The following HOXC5 variants were observed in gnomAD, a reference collection of about 807,000 sequenced individuals.
HOXC5 encodes homeobox C5.
HOXC5 carries 19 observed loss-of-function variants against 20.1 expected under a neutral mutation model. The ratio of observed to expected loss-of-function variants is 0.94; its 90% confidence interval spans 0.66 to 1.38. The LOEUF (loss-of-function observed/expected upper bound fraction) is 1.38, where lower values mean the gene tolerates loss of function less well. Among genes scored for constraint, HOXC5 ranks in the 40% most tolerant of loss-of-function variants. The pLI, the probability that HOXC5 is intolerant of heterozygous loss-of-function variation, is 0.00. For synonymous variants in HOXC5, 124 were observed against 117.0 expected (o/e 1.06, Z -0.39); for missense variants, 330 against 300.1 (o/e 1.10, Z -0.74).
Position 54,033,245 on chromosome 12 carries a change from C to A in HOXC5, c.123C>A (p.Gly41=). Residue 41 remains glycine (G), a synonymous_variant, in exon 1 of 2, where the codon GGC becomes GGA. Coordinates refer to ENST00000312492, the MANE Select transcript of HOXC5 (RefSeq NM_018953.4). ...SEVQASRYCY[G]GLDLSITFPP... is the part of the protein sequence containing the mutation. ...TGCAGGCATCCAGGTACTGCTACGG[C>A]GGATTGGACTTAAGCATCACTTTCC... 6.2e-7 allele frequency: 1 copy of A among 1,614,164 alleles called. No homozygotes were observed. The highest frequency in any genetic ancestry group is 8.5e-7 in the Non-Finnish European group (1 of 1,180,030).
chr12:54,025,213 T>G, the HOXC5 span, among the ~76,000 whole-genome samples: 1 of 152,204 alleles, frequency 6.6e-6, no homozygotes, highest in African/African-American at 2.4e-5. Context: ...AACTGCAGTT[T>G]TAATAAAACA....
At chr12:54,026,026 T>C in the HOXC5 span, among the ~76,000 whole-genome samples, 1 of 152,188 alleles carries the variant, frequency 6.6e-6, no homozygotes, top group Non-Finnish European at 1.5e-5. Context: ...CATCCTATCT[T>C]CCATCATTCA....
the HOXC5 span, among the ~76,000 whole-genome samples, chr12:54,027,285 C>T: frequency 2.6e-5 from 4 of 152,292 alleles, no homozygotes; most frequent in East Asian, 7.7e-4. Flanking sequence ...TCCTTAGAAC[C>T]CCTTTCTGAA....
At chr12:54,023,229 G>C in the HOXC5 span, among the ~76,000 whole-genome samples, 2 of 152,226 alleles carry the variant, frequency 1.3e-5, no homozygotes, top group South Asian at 4.1e-4. Context: ...GATGGAGCTG[G>C]AAGGGGGCTC....
chr12:54,027,347 T>A, the HOXC5 span, among the ~76,000 whole-genome samples: 4 of 152,182 alleles, frequency 2.6e-5, no homozygotes, highest in Non-Finnish European at 5.9e-5. Flanking sequence ...GGCGGTGCCC[T>A]GAGTCTGGAG....
the HOXC5 span, among the ~76,000 whole-genome samples, chr12:54,019,180 C>T: frequency 2.2e-5 from 3 of 134,330 alleles, no homozygotes; most frequent in Non-Finnish European, 3.2e-5. Context: ...CTCCCCCACC[C>T]CCCCACCCCC....
At chr12:54,018,445 G>A in the HOXC5 span, among the ~76,000 whole-genome samples, 1 of 152,220 alleles carries the variant, frequency 6.6e-6, no homozygotes, top group Non-Finnish European at 1.5e-5. Flanking sequence ...TGAGGATTCC[G>A]GGGGCTGCTG....
At chr12:54,028,608 C>T (rs756893125), upstream of HOXC5, 2 of 1,614,148 alleles carry the variant, frequency 1.2e-6, no homozygotes, top group East Asian at 2.2e-5. Flanking sequence ...TCAATTCCAC[C>T]GCCTATGATC....
chr12:54,032,953 G>A (rs1941042856), upstream of HOXC5: 3 of 602,010 alleles, frequency 5.0e-6, no homozygotes, highest in Non-Finnish European at 8.5e-6. Flanking sequence ...CTCGAGTCAC[G>A]TGACTCTATT....
the HOXC5 span, among the ~76,000 whole-genome samples, chr12:54,026,936 T>C: frequency 4.1e-3 from 565 of 138,550 alleles, 4 homozygotes; most frequent in African/African-American, 0.014. Flanking sequence ...TAGCCAGCTT[T>C]CCCCCCCCCC....
At chr12:54,029,588 A>G, upstream of HOXC5, 1 of 1,525,908 alleles carries the variant, frequency 6.6e-7, no homozygotes, top group Non-Finnish European at 8.9e-7. Flanking sequence ...GGACTTTGCT[A>G]GGCGAAACAG....
the HOXC5 span, among the ~76,000 whole-genome samples, chr12:54,023,782 G>T: frequency 1.3e-5 from 2 of 152,150 alleles, no homozygotes; most frequent in East Asian, 1.9e-4. Flanking sequence ...TTGGAATGCG[G>T]TGTGTGTAGC....
chr12:54,027,747 G>A, the HOXC5 span, among the ~76,000 whole-genome samples: 36 of 152,170 alleles, frequency 2.4e-4, no homozygotes, highest in Non-Finnish European at 4.7e-4. Flanking sequence ...GAGAGCAGAT[G>A]CGTGGCCCAT....
chr12:54,025,528 G>GC, the HOXC5 span, among the ~76,000 whole-genome samples: 1 of 26,040 alleles, frequency 3.8e-5, no homozygotes, highest in Non-Finnish European at 1.1e-4. Context: ...AAAGGTAATT[G>GC]GGGGGGGGGG....
the HOXC5 span, chr12:54,020,344 C>T: frequency 1.3e-5 from 2 of 152,234 alleles, no homozygotes; most frequent in African/African-American, 4.8e-5. Flanking sequence ...TTGCCTGCCC[C>T]CCTTATAAGG....
chr12:54,031,867 C>A (rs925077368), upstream of HOXC5, among the ~76,000 whole-genome samples: 1 of 152,202 alleles, frequency 6.6e-6, no homozygotes, highest in Non-Finnish European at 1.5e-5. Flanking sequence ...CCTGCCCACC[C>A]CCCAGGTCCG....
chr12:54,023,050 C>T, the HOXC5 span, among the ~76,000 whole-genome samples: 35 of 152,268 alleles, frequency 2.3e-4, no homozygotes, highest in African/African-American at 8.4e-4. Context: ...CTTGCTTTGC[C>T]CCCCTCAAGT....
chr12:54,027,217 C>G, the HOXC5 span, among the ~76,000 whole-genome samples: 1 of 152,186 alleles, frequency 6.6e-6, no homozygotes, highest in African/African-American at 2.4e-5. Context: ...ATAAAATGGG[C>G]GTTGAGGTTG....
the HOXC5 span, among the ~76,000 whole-genome samples, chr12:54,027,805 G>T: frequency 1.8e-3 from 278 of 152,228 alleles, 4 homozygotes; most frequent in South Asian, 0.055. Flanking sequence ...TGCCCCTTTA[G>T]ACCTAGTTGT....
Sources: gnomAD v4.1 joint callset for allele counts (sites outside exome capture counted in the v4.1 genomes callset) on GRCh38, gnomAD v4.1.1 for gene constraint, MANE v1.5 for transcripts, NCBI Gene and HGNC (gene_info 2026-07-23, HGNC 2026-07-21) for gene names.